Variants in CSMD1 observed in about 807,000 individuals in gnomAD.
CSMD1 encodes the protein CUB and sushi domain-containing protein 1.
CSMD1 carries 213 observed loss-of-function variants against 417.5 expected under a neutral mutation model. That is an observed-to-expected ratio of 0.51 (90% CI 0.46 to 0.57). The LOEUF is 0.57. Among genes scored for constraint, CSMD1 ranks in the 20% least tolerant of loss-of-function variants. The probability of loss-of-function intolerance (pLI) is 0.00; values close to 1 mark genes in which losing one functional copy is unlikely to be tolerated. For synonymous variants in CSMD1, 2,862 were observed against 1,736.8 expected (o/e 1.65, Z -16.11); for missense variants, 6,923 against 4,529.7 (o/e 1.53, Z -15.17).
intron 2 of CSMD1, among the ~76,000 whole-genome samples, chr8:4,439,157 A>G (rs73660803): frequency 0.032 from 4,882 of 152,262 alleles, 261 homozygotes; most frequent in African/African-American, 0.11. Flanking sequence ...GCTGTGGTAA[A>G]GATTATTTCA....
chr8:3,190,325 C>G (rs945946615), intron 33 of CSMD1, among the ~76,000 whole-genome samples: 1 of 151,218 alleles, frequency 6.6e-6, no homozygotes, highest in Non-Finnish European at 1.5e-5. Flanking sequence ...CTCCAACAAT[C>G]GCTATAGAGA....
rs1218657794 is a variant in CSMD1 at position 3,106,545 on chromosome 8, G to A, written c.6932C>T (p.Ser2311Phe). The A allele has an allele frequency of 6.2e-7, 1 of 1,612,628 alleles. No individual in the cohort carries two copies. The highest frequency in any genetic ancestry group is 8.5e-7 in the Non-Finnish European group (1 of 1,178,830). The change falls in exon 46 of 70, where the codon TCT becomes TTT. Residue 2311 changes from serine to phenylalanine, a missense_variant. Coordinates refer to ENST00000635120, the MANE Select transcript of CSMD1 (RefSeq NM_033225.6). Reference sequence around the variant, plus strand: ...GTGCATACCTTCACATGTTGGGAGAGAACCCTCAAACTGCAACTGGGAACT... The same window carrying A: ...GTGCATACCTTCACATGTTGGGAGAAAACCCTCAAACTGCAACTGGGAACT... ...KLSSQLQFEG[S>F]LPTCEAQCPA...
At chr8:3,224,420 G>C (rs1177458477) in intron 27 of CSMD1, among the ~76,000 whole-genome samples, 1 of 152,162 alleles carries the variant, frequency 6.6e-6, no homozygotes, top group Non-Finnish European at 1.5e-5. Flanking sequence ...AAGTGTTCAG[G>C]AAATGGTTAT....
intron 3 of CSMD1, among the ~76,000 whole-genome samples, chr8:4,281,921 G>A (rs577541438): frequency 1.3e-5 from 2 of 152,182 alleles, no homozygotes; most frequent in Non-Finnish European, 2.9e-5. Context: ...ACGTTTTGAT[G>A]ACATAGATGC....
chr8:4,009,673 G>A (rs2554669), intron 4 of CSMD1, among the ~76,000 whole-genome samples: 86,925 of 151,962 alleles, frequency 0.57, 25,140 homozygotes, highest in South Asian at 0.67. Context: ...TTGTAATACT[G>A]GGAGATATTA....
At chr8:4,574,308 T>TGCTATCTGGGCTGG (rs1306689652) in intron 2 of CSMD1, among the ~76,000 whole-genome samples, 1 of 152,190 alleles carries the variant, frequency 6.6e-6, no homozygotes, top group Non-Finnish European at 1.5e-5. Flanking sequence ...GGGAAAAGCA[T>TGCTATCTGGGCTGG]GCTATCTGGG....
At chr8:3,551,067 G>T (rs955802344) in intron 10 of CSMD1, among the ~76,000 whole-genome samples, 2 of 152,140 alleles carry the variant, frequency 1.3e-5, no homozygotes, top group Non-Finnish European at 2.9e-5. Context: ...ACCATGCTGT[G>T]AGAGCTCATG....
At chr8:4,145,948 T>C (rs1243919416) in intron 3 of CSMD1, among the ~76,000 whole-genome samples, 2 of 150,966 alleles carry the variant, frequency 1.3e-5, no homozygotes, top group African/African-American at 5.0e-5. Context: ...CTGACCACGC[T>C]GTTTCTTGTT....
intron 3 of CSMD1, among the ~76,000 whole-genome samples, chr8:4,238,684 C>A (rs1168177742): frequency 6.6e-6 from 1 of 152,156 alleles, no homozygotes; most frequent in Non-Finnish European, 1.5e-5. Flanking sequence ...CTATCCTTGG[C>A]CCTCAATACC....
intron 2 of CSMD1, among the ~76,000 whole-genome samples, chr8:4,604,686 T>C (rs939904413): frequency 1.3e-5 from 2 of 152,152 alleles, no homozygotes; most frequent in African/African-American, 4.8e-5. Context: ...CCAAACTATG[T>C]CTCCTACTTG....
intron 26 of CSMD1, among the ~76,000 whole-genome samples, chr8:3,240,596 C>G (rs749446543): frequency 6.6e-6 from 1 of 151,680 alleles, no homozygotes; most frequent in Non-Finnish European, 1.5e-5. Context: ...GGCAGTACAG[C>G]CCGGGTAATC....
chr8:3,650,632 G>T (rs539715310), intron 7 of CSMD1, among the ~76,000 whole-genome samples: 1 of 152,140 alleles, frequency 6.6e-6, no homozygotes, highest in African/African-American at 2.4e-5. Context: ...CCCGGCTGTG[G>T]ATATTTAAGA....
chr8:3,055,638 C>G (rs559973205), intron 49 of CSMD1, among the ~76,000 whole-genome samples: 3 of 152,308 alleles, frequency 2.0e-5, no homozygotes, highest in Non-Finnish European at 2.9e-5. Context: ...AAGAAACTTT[C>G]ACAGTTTGGA....
chr8:3,818,639 G>A (rs1005981001), intron 5 of CSMD1, among the ~76,000 whole-genome samples: 4 of 152,096 alleles, frequency 2.6e-5, no homozygotes, highest in Admixed American at 1.3e-4. Context: ...CCACAGCAAG[G>A]GATGCCCGGC....
intron 3 of CSMD1, among the ~76,000 whole-genome samples, chr8:4,220,650 A>G (rs1800974302): frequency 6.6e-6 from 1 of 152,204 alleles, no homozygotes; most frequent in African/African-American, 2.4e-5. Context: ...AATCAACACA[A>G]TTTGAAGATG....
chr8:3,324,277 G>T (rs1806364117), intron 23 of CSMD1, among the ~76,000 whole-genome samples: 1 of 129,290 alleles, frequency 7.7e-6, no homozygotes, highest in Non-Finnish European at 1.6e-5. Context: ...TGTTAAAATA[G>T]GCCACACCTA....
intron 15 of CSMD1, 49 bp downstream of exon 15, chr8:3,405,978 T>G: frequency 6.4e-7 from 1 of 1,564,224 alleles, no homozygotes; most frequent in East Asian, 2.2e-5. Flanking sequence ...TGCCTGAAGA[T>G]AGATGTGTGA....
intron 10 of CSMD1, among the ~76,000 whole-genome samples, chr8:3,495,068 C>G (rs1057474955): frequency 3.9e-5 from 6 of 152,192 alleles, no homozygotes; most frequent in African/African-American, 1.4e-4. Context: ...TTTAAAAAAC[C>G]TACTATTTCA....
chr8:3,417,067 C>G (rs58484378), intron 12 of CSMD1, among the ~76,000 whole-genome samples: 3,341 of 152,252 alleles, frequency 0.022, 68 homozygotes, highest in East Asian at 0.096. Context: ...ACGTTCTGCT[C>G]CCACGGTTGT....
Sources: gnomAD v4.1 joint callset for allele counts (sites outside exome capture counted in the v4.1 genomes callset) on GRCh38, gnomAD v4.1.1 for gene constraint, MANE v1.5 for transcripts, NCBI Gene and HGNC (gene_info 2026-07-23, HGNC 2026-07-21) for gene names.